UST: variants seen among roughly 807,000 people sequenced by gnomAD.
The protein encoded by UST is uronyl 2-sulfotransferase, also known as chondroitin sulfate 2-O-sulfotransferase.
Under a neutral mutation model 45.6 loss-of-function variants are expected in UST, and 21 were observed. That is an observed-to-expected ratio of 0.46 (90% confidence interval 0.33 to 0.66). UST has a LOEUF of 0.66. UST is among the 30% of genes least tolerant of loss of function. The pLI is 0.02. For synonymous variants in UST, 215 were observed against 200.6 expected, an observed-to-expected ratio of 1.07 and a Z score of -0.61; for missense variants, 463 against 512.4, an observed-to-expected ratio of 0.90 and a Z score of 0.93.
At chr6:148,989,485 A>G (rs1379866201) in intron 5 of UST, among the ~76,000 whole-genome samples, 3 of 152,206 alleles carry the variant, frequency 2.0e-5, no homozygotes, top group African/African-American at 7.2e-5. Context: ...GACTATTACC[A>G]AAATAAAAGG....
chr6:149,035,830 G>A (rs1776232594), intron 7 of UST, among the ~76,000 whole-genome samples: 1 of 152,064 alleles, frequency 6.6e-6, no homozygotes, highest in South Asian at 2.1e-4. Context: ...TCATTGACCA[G>A]TGGACCTCGC....
chr6:148,964,664 C>T lies in UST; in HGVS notation c.681+101C>T, dbSNP rs1780745108. 8.2e-6 allele frequency: 12 copies of T among 1,469,614 alleles called. No individual in the cohort carries two copies. In the East Asian group the frequency reaches 9.3e-5, roughly 11 times the overall value. 91.0% of individuals were successfully genotyped at this position (1,469,614 alleles called of 1,614,324 possible). A position where few individuals can be genotyped will look rare whatever the true frequency, so the allele number is the denominator to read the frequency against. ...TTCCCTTCCCAGGCCTTCTCCTTGG[C>T]GCCTCCATGGAGCGTGGCGCAGAGA... On this transcript the variant is annotated intron_variant, in intron 5 of 7. Coordinates refer to ENST00000367463, the MANE Select transcript of UST (RefSeq NM_005715.3).
intron 3 of UST, among the ~76,000 whole-genome samples, chr6:148,944,893 A>G (rs1195890975): frequency 2.6e-5 from 4 of 151,986 alleles, no homozygotes; most frequent in African/African-American, 9.7e-5. Context: ...AAAATAGGGA[A>G]TTTTTTTCCC....
Position 149,074,239 on chromosome 6 carries a change from C to CATCCCCA in UST, c.*125_*126insCCCCAAT. 1 of 1,108,604 alleles carries CATCCCCA rather than the reference C, an allele frequency of 9.0e-7. No individual in the cohort carries two copies. Among genetic ancestry groups the CATCCCCA allele is most frequent in the Non-Finnish European group, 1.3e-6 (1 of 780,372 alleles). 68.7% of individuals were successfully genotyped at this position (1,108,604 alleles called of 1,614,324 possible). ...CATTAAAAAGAACAAAACATTCCCA[C>CATCCCCA]ATGTTGGGGTCATTGGGAGATGCCC... On this transcript the variant is annotated 3_prime_UTR_variant, in exon 8 of 8. Coordinates refer to ENST00000367463, the MANE Select transcript of UST (RefSeq NM_005715.3).
chr6:149,039,994 G>C (rs182326038), intron 7 of UST, among the ~76,000 whole-genome samples: 6 of 152,190 alleles, frequency 3.9e-5, no homozygotes, highest in Non-Finnish European at 7.3e-5. Flanking sequence ...CTCACCGAGC[G>C]TGTCTGGGAC....
At chr6:148,913,423 C>CTTT (rs34110477) in intron 2 of UST, among the ~76,000 whole-genome samples, 70 of 79,854 alleles carry the variant, frequency 8.8e-4, no homozygotes, top group African/African-American at 3.0e-3. Flanking sequence ...GACCAAAAAT[C>CTTT]TTTTTTTTTT....
chr6:149,061,256 A>T (rs1018354838), intron 7 of UST, among the ~76,000 whole-genome samples: 1 of 152,192 alleles, frequency 6.6e-6, no homozygotes, highest in African/African-American at 2.4e-5. Flanking sequence ...TGTTTGACAG[A>T]TGAAGAGAGG....
In UST at chr6:148,964,478, A is replaced by AT; in HGVS notation, c.602dup (p.Arg202ProfsTer30). On this transcript the variant is annotated frameshift_variant, in exon 5 of 8. Coordinates refer to ENST00000367463, the MANE Select transcript of UST (RefSeq NM_005715.3). LOFTEE classifies it high-confidence loss of function. ...CCCGTCAACCGGTTCTTATCCAACT[A>AT]TTTTTTCCGTCGCTTTGGAGACTGG... 6.2e-7 allele frequency: 1 copy of AT among 1,614,082 alleles called. No homozygotes were observed. Among genetic ancestry groups the AT allele is most frequent in the Non-Finnish European group, 8.5e-7 (1 of 1,180,024 alleles).
chr6:149,037,661 C>G (rs1187728820), intron 7 of UST, among the ~76,000 whole-genome samples: 3 of 152,236 alleles, frequency 2.0e-5, no homozygotes, highest in African/African-American at 7.2e-5. Context: ...GGACCGGTGC[C>G]AGTCCGCAAG....
Position 148,767,909 on chromosome 6 carries a change from A to G in UST, c.247+20232A>G, listed in dbSNP as rs752872539. ...CTGTGAATATACTATTAATTCCTAT[A>G]AGAAGGCTTTTTTGATATTTGGCCC... On this transcript the variant is annotated intron_variant, in intron 1 of 7. Transcript: ENST00000367463. 2.4e-4 allele frequency among the ~76,000 whole-genome samples: 37 copies of G among 152,232 alleles called. 1 individual carries two copies. Among genetic ancestry groups the G allele is most frequent in the Middle Eastern group, 3.4e-3 (1 of 294 alleles).
At chr6:149,063,574 T>C (rs1755433816) in intron 7 of UST, among the ~76,000 whole-genome samples, 1 of 152,164 alleles carries the variant, frequency 6.6e-6, no homozygotes, top group South Asian at 2.1e-4. Flanking sequence ...GGTAGACTGC[T>C]TCTCGCTAAG....
chr6:148,764,998 GA>G (rs2114663838), intron 1 of UST, among the ~76,000 whole-genome samples: 1 of 152,302 alleles, frequency 6.6e-6, no homozygotes, highest in African/African-American at 2.4e-5. Flanking sequence ...CCCGCCCTAG[GA>G]ATGCATTCTT....
intron 7 of UST, among the ~76,000 whole-genome samples, chr6:149,065,579 TG>T: frequency 6.6e-6 from 1 of 152,182 alleles, no homozygotes. Context: ...TCAACATAGA[TG>T]GGGACCCAGA....
Position 148,989,223 on chromosome 6 carries a change from C to CA in UST, c.681+24660_681+24661insA, listed in dbSNP as rs1554231969. On this transcript the variant is annotated intron_variant, in intron 5 of 7. Transcript: ENST00000367463. ...CTTCAGTAAAGGCCCCCCCCCACCC[C>CA]CCGCAAATGAAAACCTTGATTAAAA... Among the ~76,000 whole-genome samples the CA allele has an allele frequency of 4.9e-3, 621 of 127,784 alleles. 23 individuals are homozygous for CA. The highest frequency in any genetic ancestry group is 0.014 in the South Asian group (51 of 3,660). The allele number at this position is 127,784 out of a possible 152,430, so 83.8% of individuals were successfully genotyped here. A position where few individuals can be genotyped will look rare whatever the true frequency, so the allele number is the denominator to read the frequency against.
intron 1 of UST, among the ~76,000 whole-genome samples, chr6:148,880,783 A>G (rs1418069076): frequency 1.3e-5 from 2 of 152,190 alleles, no homozygotes; most frequent in Non-Finnish European, 2.9e-5. Flanking sequence ...TAATCCTAGC[A>G]TTTTGGGAGG....
In UST at chr6:148,818,000, A is replaced by G. The variant is rs1048813001; in HGVS notation, c.248-68986A>G. Among the ~76,000 whole-genome samples the G allele has an allele frequency of 3.9e-5, 6 of 152,220 alleles. No homozygotes were observed. In the South Asian group the frequency reaches 6.2e-4, roughly 16 times the overall value. ...GACCGCAAAACCTAAAATATTTACT[A>G]TCTGACCCTTTACAGAAAGTTTGCC... On this transcript the variant is annotated intron_variant, in intron 1 of 7. Coordinates refer to ENST00000367463, the MANE Select transcript of UST (RefSeq NM_005715.3).
intron 5 of UST, 74 bp from the exon 6 acceptor site, chr6:149,019,065 A>T: frequency 1.8e-6 from 2 of 1,100,702 alleles, no homozygotes; most frequent in Non-Finnish European, 2.8e-6. Flanking sequence ...CATGAATTTT[A>T]CTTAAACTGT....
chr6:148,836,289 G>A (rs897054362), intron 1 of UST, among the ~76,000 whole-genome samples: 4 of 152,150 alleles, frequency 2.6e-5, no homozygotes, highest in Non-Finnish European at 2.9e-5. Context: ...AGCTATAGTT[G>A]TTATTGGTAC....
Position 148,941,267 on chromosome 6 carries a change from T to G in UST, c.292-12T>G. 2 of 1,612,818 alleles carry G rather than the reference T, an allele frequency of 1.2e-6. No individual in the cohort carries two copies. The highest frequency in any genetic ancestry group is 1.7e-6 in the Non-Finnish European group (2 of 1,179,610). ...AGACGTTTCATGTTTGTTCTCTTGG[T>G]TTTTTTCCCAGGTACTACCTTTCCC... On this transcript the variant is annotated splice_polypyrimidine_tract_variant and intron_variant, in intron 2 of 7. Transcript: ENST00000367463.
Sources: allele counts gnomAD v4.1 joint callset (sites outside exome capture counted in the v4.1 genomes callset), GRCh38; gene constraint gnomAD v4.1.1; transcripts MANE v1.5; gene names NCBI Gene and HGNC (gene_info 2026-07-23, HGNC 2026-07-21).